The following MAP3K10 variants were observed in gnomAD, a reference collection of about 807,000 sequenced individuals.
MAP3K10 encodes mitogen-activated protein kinase kinase kinase 10, also known as MKN28 derived nonreceptor_type serine/threonine kinase.
A neutral mutation model predicts 75.0 loss-of-function variants in MAP3K10; 22 were observed. That is an observed-to-expected ratio of 0.29 (90% confidence interval 0.21 to 0.42). MAP3K10 has a LOEUF of 0.42. MAP3K10 is among the 10% of genes least tolerant of loss of function. The pLI is 1.00. For synonymous variants in MAP3K10, 599 were observed against 612.9 expected (o/e 0.98, Z 0.34); for missense variants, 1,165 against 1,379.8 (o/e 0.84, Z 2.47).
intron 2 of MAP3K10, among the ~76,000 whole-genome samples, chr19:40,200,142 T>C (rs1051268386): frequency 6.6e-6 from 1 of 152,136 alleles, no homozygotes; most frequent in Non-Finnish European, 1.5e-5. Context: ...CTACTAAAAA[T>C]ACAAAAATTA....
intron 5 of MAP3K10, among the ~76,000 whole-genome samples, chr19:40,208,363 T>TTTTTTTTTTTTA (rs1555756664): frequency 1.8e-5 from 2 of 111,892 alleles, no homozygotes; most frequent in South Asian, 3.1e-4. Flanking sequence ...TTTTTTTTTT[T>TTTTTTTTTTTTA]TTTTTTGTAT....
In MAP3K10 at chr19:40,213,771, G is replaced by A. The variant is rs993992689; in HGVS notation, c.2092G>A (p.Asp698Asn). Residue 698 changes from aspartate to asparagine, a missense_variant, in exon 9 of 10, where the codon GAC becomes AAC. This residue lies in a region of MAP3K10 where 590 missense variants were observed against 586.6 expected (regional missense o/e 1.01). Transcript: ENST00000253055. The surrounding 1 kb of genome is among the most constrained non-coding windows in gnomAD (Gnocchi z 5.7). The part of the protein sequence containing the change: ...GADVAEARAA[D>N]GEEQRRWLDG... ...CGACGTGGCCGAGGCGCGCGCGGCC[G>A]ACGGTGAGGAGCAGCGGCGCTGGCT... 5.1e-6 allele frequency: 6 copies of A among 1,169,070 alleles called. No individual in the cohort carries two copies. Among genetic ancestry groups the A allele is most frequent in the Admixed American group, 9.8e-5 (2 of 20,314 alleles). The allele number at this position is 1,169,070 out of a possible 1,614,324, so 72.4% of individuals were successfully genotyped here.
At chr19:40,203,403 G>C (rs888592607) in intron 2 of MAP3K10, among the ~76,000 whole-genome samples, 1 of 152,200 alleles carries the variant, frequency 6.6e-6, no homozygotes, top group African/African-American at 2.4e-5. Context: ...TCTACTCCAG[G>C]ATAAACACCA....
chr19:40,213,401 T>TG lies in MAP3K10; in HGVS notation c.1838-115dup, dbSNP rs1263144325. The TG allele has an allele frequency of 5.4e-6, 8 of 1,490,398 alleles. No homozygotes were observed. The Admixed American group carries it at 1.8e-4, about 34-fold the overall frequency. 92.3% of individuals were successfully genotyped at this position (1,490,398 alleles called of 1,614,324 possible). A position where few individuals can be genotyped will look rare whatever the true frequency, so the allele number is the denominator to read the frequency against. ...CTCCTGGAGACAGATTCAAGAACGA[T>TG]GCTCGTGGGTCTTGGTCTTGCTGTT... is the stretch of plus-strand genomic sequence containing the variant. On this transcript the variant is annotated intron_variant, in intron 8 of 9. Transcript: ENST00000253055. This position sits in a 1 kb window ranked among gnomAD's most constrained non-coding sequence, Gnocchi z 5.7.
rs112112280 is a variant in MAP3K10 at position 40,198,818 on chromosome 19, A to G, written c.863+263A>G. 5.1e-4 allele frequency among the ~76,000 whole-genome samples: 78 copies of G among 152,384 alleles called. No homozygotes were observed. The highest frequency in any genetic ancestry group is 1.8e-3 in the African/African-American group (74 of 41,598). ...CGCGGGGGCGCACACCTGTAATCCC[A>G]GCACTTTGGGAGGCCGAGGTGGGCG... On this transcript the variant is annotated intron_variant, in intron 2 of 9. Coordinates refer to ENST00000253055, the MANE Select transcript of MAP3K10 (RefSeq NM_002446.4). This position sits in a 1 kb window ranked among gnomAD's most constrained non-coding sequence, Gnocchi z 4.3.
Position 40,215,330 on chromosome 19 carries a change from G to A in MAP3K10, c.*38G>A. On this transcript the variant is annotated 3_prime_UTR_variant, in exon 10 of 10. Coordinates refer to ENST00000253055, the MANE Select transcript of MAP3K10 (RefSeq NM_002446.4). The stretch of plus-strand genomic sequence containing the variant: ...ACCGCCCGCCTGGGCAGCCATGAAT[G>A]TAGCGCCCCAGGCCCTGCCCCAGCC... The A allele has an allele frequency of 6.7e-7, 1 of 1,497,480 alleles. No homozygotes were observed. Among genetic ancestry groups the A allele is most frequent in the East Asian group, 2.5e-5 (1 of 39,694 alleles). The allele number at this position is 1,497,480 out of a possible 1,614,324, so 92.8% of individuals were successfully genotyped here.
Position 40,213,250 on chromosome 19 carries a change from G to C in MAP3K10, c.1837+62G>C. 6.7e-7 allele frequency: 1 copy of C among 1,483,374 alleles called. No individual in the cohort carries two copies. The highest frequency in any genetic ancestry group is 9.0e-7 in the Non-Finnish European group (1 of 1,115,052). 91.9% of individuals were successfully genotyped at this position (1,483,374 alleles called of 1,614,324 possible). A position where few individuals can be genotyped will look rare whatever the true frequency, so the allele number is the denominator to read the frequency against. The stretch of plus-strand genomic sequence containing the variant: ...CCTGGCCAAAGGGGTGAGCCTCCTG[G>C]GGCTGAGCGAAGAGACCAGGTTTCA... On this transcript the variant is annotated intron_variant, in intron 8 of 9. Transcript: ENST00000253055. The surrounding 1 kb of genome is among the most constrained non-coding windows in gnomAD (Gnocchi z 5.7).
rs373992417 is a variant in MAP3K10 at position 40,204,552 on chromosome 19, G to A, written c.931G>A (p.Val311Met). ...CTACCGTGAGATCGACGCCTTGGCCGTGGCGTATGGCGTGGCTATGAATAA... is the reference window on the plus strand; with the variant it reads ...CTACCGTGAGATCGACGCCTTGGCCATGGCGTATGGCGTGGCTATGAATAA... ...VPYREIDALAVAYGVAMNKLT... is the reference protein window; with the variant it reads ...VPYREIDALAMAYGVAMNKLT... Residue 311 changes from valine to methionine, a missense_variant, in exon 3 of 10, where the codon GTG becomes ATG. Physicochemically the swap from Val to Met is conservative, Grantham distance 21. Transcript: ENST00000253055. This position sits in a 1 kb window ranked among gnomAD's most constrained non-coding sequence, Gnocchi z 4.3. 14 of 1,613,934 alleles carry A rather than the reference G, an allele frequency of 8.7e-6. No individual in the cohort carries two copies. The highest frequency in any genetic ancestry group is 4.5e-5 in the East Asian group (2 of 44,886).
chr19:40,205,890 G>A lies in MAP3K10; in HGVS notation c.1189-21G>A. On this transcript the variant is annotated intron_variant, in intron 4 of 9. Transcript: ENST00000253055. The surrounding 1 kb of genome is among the most constrained non-coding windows in gnomAD (Gnocchi z 4.3). ...CAGAGCAGCTAAGCCCCTCCCCCCA[G>A]CCACCGCCTCTCCTTCCCAGGAGCT... 1 of 1,509,708 alleles carries A rather than the reference G, an allele frequency of 6.6e-7. No homozygotes were observed. The highest frequency in any genetic ancestry group is 8.9e-7 in the Non-Finnish European group (1 of 1,124,624). 93.5% of individuals were successfully genotyped at this position (1,509,708 alleles called of 1,614,324 possible). A position where few individuals can be genotyped will look rare whatever the true frequency, so the allele number is the denominator to read the frequency against.
chr19:40,204,478 C>G lies in MAP3K10; in HGVS notation c.864-7C>G. 1 of 1,611,436 alleles carries G rather than the reference C, an allele frequency of 6.2e-7. No individual in the cohort carries two copies. The highest frequency in any genetic ancestry group is 1.1e-5 in the South Asian group (1 of 90,986). On this transcript the variant is annotated splice_region_variant and splice_polypyrimidine_tract_variant and intron_variant, in intron 2 of 9. Coordinates refer to ENST00000253055, the MANE Select transcript of MAP3K10 (RefSeq NM_002446.4). The surrounding 1 kb of genome is among the most constrained non-coding windows in gnomAD (Gnocchi z 4.3). ...CGACATCACCCCTCCCTCTCCCCTG[C>G]CTGCAGCTTCGGGGTGCTGCTGTGG...
At position 40,215,473 on chromosome 19, in the gene MAP3K10, GC is replaced by G; in HGVS notation, c.*184del. 1.6e-6 allele frequency: 1 copy of G among 628,178 alleles called. No homozygotes were observed. The highest frequency in any genetic ancestry group is 2.7e-6 in the Non-Finnish European group (1 of 363,902). The allele number at this position is 628,178 out of a possible 1,614,324, so 38.9% of individuals were successfully genotyped here. A position where few individuals can be genotyped will look rare whatever the true frequency, so the allele number is the denominator to read the frequency against. ...TGTACCCCAGGGGGTGGAGCCCTGTGCCCACCCTGCACTGGGGGGAGGGTGG... is the reference window on the plus strand; with the variant it reads ...TGTACCCCAGGGGGTGGAGCCCTGTGCCACCCTGCACTGGGGGGAGGGTGG... On this transcript the variant is annotated 3_prime_UTR_variant, in exon 10 of 10. Transcript: ENST00000253055.
At chr19:40,202,135 G>A (rs1973037313) in intron 2 of MAP3K10, among the ~76,000 whole-genome samples, 1 of 152,076 alleles carries the variant, frequency 6.6e-6, no homozygotes, top group Non-Finnish European at 1.5e-5. Flanking sequence ...CCGCCTCCTG[G>A]GTTCACGCCA....
At position 40,202,686 on chromosome 19, in the gene MAP3K10, C is replaced by T. The variant is rs367547872; in HGVS notation, c.864-1799C>T. Among the ~76,000 whole-genome samples, 35 of 152,288 alleles carry T rather than the reference C, an allele frequency of 2.3e-4. 2 individuals are homozygous for T. The South Asian group carries it at 6.4e-3, about 28-fold the overall frequency. On this transcript the variant is annotated intron_variant, in intron 2 of 9. Coordinates refer to ENST00000253055, the MANE Select transcript of MAP3K10 (RefSeq NM_002446.4). ...TAAAAGACAGGCTCTCACTCTCCCA[C>T]GCAGGCTAGAATGTGGTGGTATAGT...
chr19:40,212,983 T>G lies in MAP3K10; in HGVS notation c.1724+7T>G, dbSNP rs1316149198. 2 of 1,596,396 alleles carry G rather than the reference T, an allele frequency of 1.3e-6. No homozygotes were observed. ...GGGTGGGAGGAGAGGAGAGGTGAGG[T>G]GTGGTGTGGTCATGCCCACCCTGTG... On this transcript the variant is annotated splice_region_variant and intron_variant, in intron 7 of 9. Coordinates refer to ENST00000253055, the MANE Select transcript of MAP3K10 (RefSeq NM_002446.4). This position sits in a 1 kb window ranked among gnomAD's most constrained non-coding sequence, Gnocchi z 4.2.
rs532410181 is a variant in MAP3K10 at position 40,201,831 on chromosome 19, G to T, written c.864-2654G>T. On this transcript the variant is annotated intron_variant, in intron 2 of 9. Transcript: ENST00000253055. ...TTTTTTTTTTAATTTTAAGTTCTGG[G>T]ATACATGTGCAGAACGTGCAGGGTT... Among the ~76,000 whole-genome samples, 4 of 147,082 alleles carry T rather than the reference G, an allele frequency of 2.7e-5. No individual in the cohort carries two copies. The Admixed American group carries it at 2.7e-4, about 10-fold the overall frequency.
chr19:40,205,308 G>C lies in MAP3K10; in HGVS notation c.1188+12G>C. On this transcript the variant is annotated intron_variant, in intron 4 of 9. Transcript: ENST00000253055. This position sits in a 1 kb window ranked among gnomAD's most constrained non-coding sequence, Gnocchi z 4.3. The stretch of plus-strand genomic sequence containing the variant: ...GGACCAAGGAGAAGGTGAAGGCAGG[G>C]GGCAAGGTGGGAAAGATGGAGCAAG... 1.9e-6 allele frequency: 3 copies of C among 1,613,624 alleles called. No homozygotes were observed. The highest frequency in any genetic ancestry group is 2.5e-6 in the Non-Finnish European group (3 of 1,179,856).
At position 40,198,258 on chromosome 19, in the gene MAP3K10, G is replaced by C. The variant is rs1175939989; in HGVS notation, c.683-117G>C. 1.0e-6 allele frequency: 1 copy of C among 955,246 alleles called. No individual in the cohort carries two copies. The highest frequency in any genetic ancestry group is 1.6e-5 in the South Asian group (1 of 62,318). The allele number at this position is 955,246 out of a possible 1,614,324, so 59.2% of individuals were successfully genotyped here. On this transcript the variant is annotated intron_variant, in intron 1 of 9. Coordinates refer to ENST00000253055, the MANE Select transcript of MAP3K10 (RefSeq NM_002446.4). The surrounding 1 kb of genome is among the most constrained non-coding windows in gnomAD (Gnocchi z 4.3). ...GCCAGGAAAGGACCTGCCACAGAGC[G>C]GGGCAGCCTGAGGCAGTGAGAGGAA... is the stretch of plus-strand genomic sequence containing the variant.
chr19:40,210,163 A>C (rs1973210384), intron 6 of MAP3K10, among the ~76,000 whole-genome samples: 1 of 152,206 alleles, frequency 6.6e-6, no homozygotes, highest in African/African-American at 2.4e-5. Flanking sequence ...GCTACTCGGG[A>C]GGCTGAGGCA....
intron 2 of MAP3K10, among the ~76,000 whole-genome samples, chr19:40,203,803 C>G (rs538226841): frequency 3.9e-5 from 6 of 152,320 alleles, no homozygotes; most frequent in African/African-American, 1.4e-4. Context: ...GAGGAGGGGC[C>G]TCTAACCTAG....
Sources: allele counts gnomAD v4.1 joint callset (sites outside exome capture counted in the v4.1 genomes callset), GRCh38; gene constraint gnomAD v4.1.1; regional missense constraint gnomAD v4.1.1; non-coding constraint Gnocchi (gnomAD v3.1); transcripts MANE v1.5; gene names NCBI Gene and HGNC (gene_info 2026-07-23, HGNC 2026-07-21).